IRAG2: variants seen among roughly 807,000 people sequenced by gnomAD.
The protein encoded by IRAG2 is lymphoid restricted membrane protein.
In IRAG2, 45 loss-of-function variants were observed where a neutral mutation model predicts 69.9. That is an observed-to-expected ratio of 0.64 (90% CI 0.51 to 0.83). The LOEUF is 0.83. Ranked by LOEUF, IRAG2 falls within the 40% of genes least tolerant of loss-of-function variation. The pLI, the probability that IRAG2 is intolerant of heterozygous loss-of-function variation, is 0.00. For synonymous variants in IRAG2, 193 were observed against 202.4 expected (o/e 0.95, Z 0.40); for missense variants, 520 against 587.0 (o/e 0.89, Z 1.18).
At chr12:25,088,930 A>T (rs1349144265) in intron 11 of IRAG2, among the ~76,000 whole-genome samples, 1 of 149,444 alleles carries the variant, frequency 6.7e-6, no homozygotes, top group African/African-American at 2.4e-5. Flanking sequence ...ATCTTATCTT[A>T]GATGATAAGA....
Position 25,010,481 on chromosome 12 carries a change from A to C in IRAG2, c.689-863A>C, listed in dbSNP as rs950653731. 4.3e-3 allele frequency among the ~76,000 whole-genome samples: 652 copies of C among 151,790 alleles called. 7 individuals are homozygous for C. Among genetic ancestry groups the C allele is most frequent in the African/African-American group, 0.014 (578 of 41,532 alleles). ...ACCCTGTGTCAAAAAACAAACAAAAAAAAAAAACAGTTCTCTCTCTAAATA... is the reference window on the plus strand; with the variant it reads ...ACCCTGTGTCAAAAAACAAACAAAACAAAAAAACAGTTCTCTCTCTAAATA... On this transcript the variant is annotated intron_variant, in intron 2 of 38. Coordinates refer to the IRAG2 transcript ENST00000636465.
chr12:25,081,291 C>T (rs887020633), intron 9 of IRAG2, among the ~76,000 whole-genome samples: 11 of 152,176 alleles, frequency 7.2e-5, no homozygotes, highest in Non-Finnish European at 1.5e-4. Context: ...GGTGGAACCC[C>T]GTCTCTACTA....
At chr12:25,068,673 A>T (rs746503691) in intron 5 of IRAG2, among the ~76,000 whole-genome samples, 1 of 152,082 alleles carries the variant, frequency 6.6e-6, no homozygotes, top group Non-Finnish European at 1.5e-5. Flanking sequence ...TACTCAGGAA[A>T]TTTCAAGAGA....
At chr12:25,035,819 C>T in intron 14 of IRAG2, 1 of 398,862 alleles carries the variant, frequency 2.5e-6, no homozygotes, top group Non-Finnish European at 4.4e-6. Flanking sequence ...TCATGGTGTT[C>T]CGTTTTGGCT....
At chr12:25,055,192 A>G (rs1339138979) in intron 1 of IRAG2, among the ~76,000 whole-genome samples, 4 of 152,214 alleles carry the variant, frequency 2.6e-5, no homozygotes, top group Non-Finnish European at 5.9e-5. Flanking sequence ...CTACAACTGG[A>G]AATTTATATG....
intron 9 of IRAG2, chr12:25,030,225 C>G (rs1388802056): frequency 8.8e-7 from 1 of 1,131,110 alleles, no homozygotes; most frequent in Non-Finnish European, 1.1e-6. Flanking sequence ...ATGGCACTGT[C>G]CTTTTACCAA....
chr12:25,006,996 C>T (rs1034031246), intron 2 of IRAG2, among the ~76,000 whole-genome samples: 2 of 152,078 alleles, frequency 1.3e-5, no homozygotes, highest in African/African-American at 4.8e-5. Flanking sequence ...CCTGAGTAAC[C>T]ATTGTTAGTG....
Position 25,090,159 on chromosome 12 carries a change from T to C in IRAG2, c.568T>C (p.Leu190=), listed in dbSNP as rs760566646. The change falls in exon 14 of 22, where the codon TTG becomes CTG. Residue 190 remains leucine, a synonymous_variant. Transcript: ENST00000556887. ...ERSRDLAEEN[L]KKEITNCLKL... ...GTCCCGTGACTTGGCAGAAGAAAAT[T>C]TGAAGAAAGAAATCACTAACTGTTT... The C allele has an allele frequency of 1.5e-5, 25 of 1,613,836 alleles. No individual in the cohort carries two copies. The highest frequency in any genetic ancestry group is 2.0e-5 in the Non-Finnish European group (24 of 1,179,826).
At position 25,082,744 on chromosome 12, in the gene IRAG2, T is replaced by C. The variant is rs150738133; in HGVS notation, c.245-679T>C. On this transcript the variant is annotated intron_variant, in intron 9 of 21. Transcript: ENST00000556887. The stretch of plus-strand genomic sequence containing the variant: ...TTCCATATAAATTTTACAAATATAA[T>C]ACACGCTTTAAATATTTTTCTCTTA... Among the ~76,000 whole-genome samples, 131 of 152,314 alleles carry C rather than the reference T, an allele frequency of 8.6e-4. 1 individual carries two copies. Among genetic ancestry groups the C allele is most frequent in the African/African-American group, 2.9e-3 (120 of 41,578 alleles).
rs1449750980 is a variant in IRAG2, at chr12:25,096,979, A to G, written c.676A>G (p.Lys226Glu). 2.5e-6 allele frequency: 4 copies of G among 1,613,686 alleles called. No homozygotes were observed. The highest frequency in any genetic ancestry group is 3.4e-6 in the Non-Finnish European group (4 of 1,179,758). ...CATTAAGAAGCTGGAGAAGAGTATA[A>G]AGTTTCTTAGCCAGTGTGCAGCACG... ...EIIKKLEKSI[K>E]FLSQCAARVA... is the part of the protein sequence containing the mutation. The change falls in exon 15 of 22, where the codon AAG becomes GAG. Residue 226 changes from lysine to glutamate, a missense_variant. Coordinates refer to ENST00000556887, the MANE Select transcript of IRAG2 (RefSeq NM_001366544.2).
chr12:25,007,950 A>AT (rs992357483), intron 2 of IRAG2, among the ~76,000 whole-genome samples: 35 of 151,438 alleles, frequency 2.3e-4, no homozygotes, highest in African/African-American at 5.1e-4. Flanking sequence ...TTTTTATTTT[A>AT]TTTTTTTTTA....
At chr12:25,015,836 G>A (rs1307716223) in intron 5 of IRAG2, among the ~76,000 whole-genome samples, 1 of 152,196 alleles carries the variant, frequency 6.6e-6, no homozygotes, top group Non-Finnish European at 1.5e-5. Flanking sequence ...TAAGTTTTGG[G>A]TATTAAGGAG....
At chr12:25,033,018 G>A (rs909403459) in intron 12 of IRAG2, among the ~76,000 whole-genome samples, 11 of 150,166 alleles carry the variant, frequency 7.3e-5, no homozygotes, top group South Asian at 2.1e-4. Context: ...GTGCAGTGGC[G>A]TGATCTCGGC....
At chr12:25,006,868 G>A (rs537331979) in intron 2 of IRAG2, among the ~76,000 whole-genome samples, 1 of 149,368 alleles carries the variant, frequency 6.7e-6, no homozygotes, top group Admixed American at 6.6e-5. Context: ...TAAAAGTTGA[G>A]AGAAAAAAAA....
chr12:25,083,212 ACTT>A (rs1209506751), intron 9 of IRAG2, among the ~76,000 whole-genome samples: 1 of 152,144 alleles, frequency 6.6e-6, no homozygotes, highest in Non-Finnish European at 1.5e-5. Flanking sequence ...ACAGATGTTC[ACTT>A]CTTTTAAGAA....
intron 2 of IRAG2, among the ~76,000 whole-genome samples, chr12:25,009,418 ATTTG>A (rs1944457682): frequency 6.6e-6 from 1 of 152,210 alleles, no homozygotes; most frequent in Non-Finnish European, 1.5e-5. Flanking sequence ...AGTGGGGCTT[ATTTG>A]TTCCCAGAGA....
At chr12:25,076,778 CAATTCTTATT>C (rs1946714621) in intron 6 of IRAG2, 1 of 225,072 alleles carries the variant, frequency 4.4e-6, no homozygotes, top group Non-Finnish European at 7.4e-6. Context: ...ATTAAGAAAT[CAATTCTTATT>C]GATTTTTATG....
chr12:25,075,923 G>C (rs955790960), intron 6 of IRAG2: 3 of 152,094 alleles, frequency 2.0e-5, no homozygotes, highest in Non-Finnish European at 4.4e-5. Context: ...GTGCGTGCTG[G>C]TTATGTTCTG....
intron 8 of IRAG2, among the ~76,000 whole-genome samples, chr12:25,024,993 G>A (rs189681540): frequency 6.6e-6 from 1 of 152,262 alleles, no homozygotes; most frequent in African/African-American, 2.4e-5. Flanking sequence ...AGATTCCTTT[G>A]GGAGGTAAAA....
Sources: allele counts gnomAD v4.1 joint callset (sites outside exome capture counted in the v4.1 genomes callset), GRCh38; gene constraint gnomAD v4.1.1; transcripts MANE v1.5; gene names NCBI Gene and HGNC (gene_info 2026-07-23, HGNC 2026-07-21).